Variants in UTP18 observed in about 807,000 individuals in gnomAD.
UTP18 encodes U3 small nucleolar RNA-associated protein 18 homolog.
A neutral mutation model predicts 61.1 loss-of-function variants in UTP18; 36 were observed. That is an observed-to-expected ratio of 0.59 (90% CI 0.45 to 0.78). UTP18 has a LOEUF of 0.78. UTP18 is among the 30% of genes least tolerant of loss of function. The probability of loss-of-function intolerance (pLI) is 0.00; values close to 1 mark genes in which losing one functional copy is unlikely to be tolerated. For missense variants in UTP18, 753 were observed against 693.9 expected, an observed-to-expected ratio of 1.09 and a Z score of -0.96; for synonymous variants, 282 against 251.1, an observed-to-expected ratio of 1.12 and a Z score of -1.16.
intron 3 of UTP18, among the ~76,000 whole-genome samples, 166 bp from the exon 4 acceptor site, chr17:51,268,671 C>G (rs937494159): frequency 3.3e-5 from 5 of 152,142 alleles, no homozygotes; most frequent in African/African-American, 9.7e-5. Context: ...TGGGACTGTT[C>G]TGTGTGAGTA....
chr17:51,293,321 C>T (rs1031075746), intron 11 of UTP18, among the ~76,000 whole-genome samples: 4 of 152,072 alleles, frequency 2.6e-5, no homozygotes, highest in African/African-American at 9.7e-5. Context: ...AGTGTGTACA[C>T]ATGGACACAG....
At chr17:51,293,557 T>C (rs1905285662) in intron 11 of UTP18, among the ~76,000 whole-genome samples, 1 of 151,726 alleles carries the variant, frequency 6.6e-6, no homozygotes, top group Non-Finnish European at 1.5e-5. Flanking sequence ...ATTTTATGTG[T>C]GGCCCAAGAC....
At chr17:51,266,868 TA>T (rs1191227863) in intron 3 of UTP18, among the ~76,000 whole-genome samples, 3 of 152,234 alleles carry the variant, frequency 2.0e-5, no homozygotes, top group Non-Finnish European at 4.4e-5. Context: ...TAAATTTATA[TA>T]TTTTTTTGAG....
At position 51,260,905 on chromosome 17, in the gene UTP18, G is replaced by T; in HGVS notation, c.321G>T (p.Leu107=). The T allele has an allele frequency of 6.3e-7, 1 of 1,590,814 alleles. No homozygotes were observed. The highest frequency in any genetic ancestry group is 8.5e-7 in the Non-Finnish European group (1 of 1,170,332). Residue 107 remains leucine, a synonymous_variant, in exon 1 of 14, where the codon CTG becomes CTT. Coordinates refer to ENST00000225298, the MANE Select transcript of UTP18 (RefSeq NM_016001.3). The part of the protein sequence containing the change: ...GDVENDEDAL[L]RRLRGPRVQE... ...TCGAGAACGACGAGGACGCGTTGCTGCGGCGTCTGCGAGGCCCGAGGGTGA... is the reference window on the plus strand; with the variant it reads ...TCGAGAACGACGAGGACGCGTTGCTTCGGCGTCTGCGAGGCCCGAGGGTGA...
In UTP18 at chr17:51,260,582, A is replaced by G. The variant is rs777966697; in HGVS notation, c.-3A>G. 4.5e-5 allele frequency: 72 copies of G among 1,611,402 alleles called. No individual in the cohort carries two copies. In the Middle Eastern group the frequency reaches 6.6e-4, roughly 15 times the overall value. ...GCGCCTGCGTTTCTCCTCAAACCTA[A>G]CGATGCCGCCGGAGCGGAGGAGACG... On this transcript the variant is annotated 5_prime_UTR_variant, in exon 1 of 14. Coordinates refer to ENST00000225298, the MANE Select transcript of UTP18 (RefSeq NM_016001.3).
chr17:51,280,892 C>A (rs1173636676), intron 9 of UTP18, among the ~76,000 whole-genome samples: 1 of 149,692 alleles, frequency 6.7e-6, no homozygotes, highest in Non-Finnish European at 1.5e-5. Flanking sequence ...GCAAAAAAAC[C>A]TAGGACCAGG....
rs765933878 is a variant in UTP18, at chr17:51,277,277, A to C, written c.985A>C (p.Lys329Gln). Reference sequence around the variant, plus strand: ...TTATGTCTATGACATGCTGGCTGGAAAGTTAATTCCTGTGCATCAAGTGAG... The same window carrying C: ...TTATGTCTATGACATGCTGGCTGGACAGTTAATTCCTGTGCATCAAGTGAG... ...VLYVYDMLAG[K>Q]LIPVHQVRGL... The change falls in exon 7 of 14, where the codon AAG (lysine) becomes CAG (glutamine). Residue 329 changes from lysine (K) to glutamine (Q), a missense_variant. Physicochemically the swap from Lys to Gln is moderately conservative, Grantham distance 53. Transcript: ENST00000225298. 6.2e-7 allele frequency: 1 copy of C among 1,614,134 alleles called. No individual in the cohort carries two copies. Among genetic ancestry groups the C allele is most frequent in the Non-Finnish European group, 8.5e-7 (1 of 1,180,010 alleles).
intron 2 of UTP18, among the ~76,000 whole-genome samples, chr17:51,265,837 C>T (rs1003782542): frequency 1.7e-4 from 26 of 152,278 alleles, no homozygotes; most frequent in African/African-American, 6.3e-4. Context: ...GCTGGGATTA[C>T]AGGCGTGAGC....
At chr17:51,260,949 G>A (rs761031410) in intron 1 of UTP18, 23 bp downstream of exon 1, 6 of 1,500,378 alleles carry the variant, frequency 4.0e-6, no homozygotes, top group African/African-American at 2.9e-5. Flanking sequence ...GCGGCGCGCG[G>A]GCTGGGCGCA....
At chr17:51,263,188 T>C in intron 1 of UTP18, 86 bp from the exon 2 acceptor site, 2 of 1,062,866 alleles carry the variant, frequency 1.9e-6, no homozygotes, top group South Asian at 2.8e-5. Flanking sequence ...AAAAACATTC[T>C]ATGAGCCATT....
At chr17:51,284,533 C>T (rs1905044117) in intron 9 of UTP18, among the ~76,000 whole-genome samples, 1 of 152,046 alleles carries the variant, frequency 6.6e-6, no homozygotes, top group African/African-American at 2.4e-5. Flanking sequence ...GCTAACCTTG[C>T]CTATTAGGTA....
At chr17:51,290,279 TGTG>T (rs1294787776) in intron 11 of UTP18, among the ~76,000 whole-genome samples, 4 of 151,834 alleles carry the variant, frequency 2.6e-5, no homozygotes, top group African/African-American at 9.7e-5. Flanking sequence ...AGCTGGGCAT[TGTG>T]GTGGGCGTCT....
chr17:51,266,686 C>T (rs1002219297), intron 3 of UTP18, among the ~76,000 whole-genome samples: 14 of 152,032 alleles, frequency 9.2e-5, no homozygotes, highest in Admixed American at 6.6e-4. Flanking sequence ...ACAGATAATG[C>T]GACACTTAAC....
Position 51,273,382 on chromosome 17 carries a change from G to A in UTP18, c.643G>A (p.Asp215Asn), listed in dbSNP as rs747539614. 6.2e-7 allele frequency: 1 copy of A among 1,610,420 alleles called. No homozygotes were observed. The highest frequency in any genetic ancestry group is 1.7e-5 in the Admixed American group (1 of 59,368). ...SSDDESEEDEDDLLQRTGNFI... is the reference protein window; with the variant it reads ...SSDDESEEDENDLLQRTGNFI... ...CTTAGATGAAAGTGAAGAGGATGAA[G>A]ATGATTTGTTGCAAAGGACTGGGAA... is the stretch of plus-strand genomic sequence containing the variant. The change falls in exon 5 of 14, where the codon GAT (aspartate) becomes AAT (asparagine). Residue 215 changes from aspartate (D) to asparagine (N), a missense_variant. Asp to Asn is a conservative substitution (Grantham distance 23, BLOSUM62 1). Coordinates refer to ENST00000225298, the MANE Select transcript of UTP18 (RefSeq NM_016001.3).
At chr17:51,296,924 A>ATT (rs748071009) in intron 12 of UTP18, 41 bp from the exon 13 acceptor site, 19 of 1,585,246 alleles carry the variant, frequency 1.2e-5, no homozygotes, top group Non-Finnish European at 1.5e-5. Flanking sequence ...ACTGTGGGTA[A>ATT]TTACAAAGTT....
At position 51,260,568 on chromosome 17, in the gene UTP18, T is replaced by TC; in HGVS notation, c.-16dup. 1 of 1,603,514 alleles carries TC rather than the reference T, an allele frequency of 6.2e-7. No homozygotes were observed. The highest frequency in any genetic ancestry group is 8.5e-7 in the Non-Finnish European group (1 of 1,176,602). On this transcript the variant is annotated 5_prime_UTR_variant, in exon 1 of 14. Coordinates refer to ENST00000225298, the MANE Select transcript of UTP18 (RefSeq NM_016001.3). ...GAGGTTCCACGTGAGCGCCTGCGTT[T>TC]CTCCTCAAACCTAACGATGCCGCCG...
Position 51,280,536 on chromosome 17 carries a change from A to G in UTP18, c.1204+57A>G, listed in dbSNP as rs9903174. On this transcript the variant is annotated intron_variant, in intron 9 of 13. Transcript: ENST00000225298. The stretch of plus-strand genomic sequence containing the variant: ...ATTTTTACATTTTAAATTTTAGGCC[A>G]GGCGCGGTGGCTCACGTGTGTAATC... 11,026 of 1,564,088 alleles carry G rather than the reference A, an allele frequency of 7.0e-3. 588 individuals are homozygous for G. In the African/African-American group the frequency reaches 0.12, roughly 18 times the overall value.
At chr17:51,293,528 C>T (rs537226755) in intron 11 of UTP18, among the ~76,000 whole-genome samples, 5 of 150,348 alleles carry the variant, frequency 3.3e-5, no homozygotes, top group African/African-American at 1.2e-4. Flanking sequence ...AGCTCATCAC[C>T]TGTCGTTAGT....
intron 4 of UTP18, among the ~76,000 whole-genome samples, chr17:51,273,020 A>G (rs1357333647): frequency 6.6e-6 from 1 of 152,224 alleles, no homozygotes; most frequent in South Asian, 2.1e-4. Context: ...TTTTGCCATA[A>G]TTATGAGTTG....
Sources: gnomAD v4.1 joint callset for allele counts (sites outside exome capture counted in the v4.1 genomes callset) on GRCh38, gnomAD v4.1.1 for gene constraint, MANE v1.5 for transcripts, NCBI Gene and HGNC (gene_info 2026-07-23, HGNC 2026-07-21) for gene names.